The following WRAP73 variants were observed in gnomAD, a reference collection of about 807,000 sequenced individuals.
The protein encoded by WRAP73 is WD repeat containing, antisense to TP73.
In WRAP73, 55 loss-of-function variants were observed where a neutral mutation model predicts 59.6. The ratio of observed to expected loss-of-function variants is 0.92; its 90% confidence interval spans 0.74 to 1.15. WRAP73 has a LOEUF of 1.15. WRAP73 is among the 50% of genes most tolerant of loss of function. The pLI, the probability that WRAP73 is intolerant of heterozygous loss-of-function variation, is 0.00. For synonymous variants in WRAP73, 265 were observed against 258.2 expected, an observed-to-expected ratio of 1.03 and a Z score of -0.25; for missense variants, 592 against 608.1, an observed-to-expected ratio of 0.97 and a Z score of 0.28.
At chr1:3,638,208 T>C (rs1644606017) in intron 4 of WRAP73, among the ~76,000 whole-genome samples, 1 of 152,212 alleles carries the variant, frequency 6.6e-6, no homozygotes, top group Non-Finnish European at 1.5e-5. Context: ...CTCTGCGCGG[T>C]CCAGTTAGAC....
chr1:3,647,692 G>GTT, intron 1 of WRAP73, 132 bp from the exon 2 acceptor site: 1 of 931,400 alleles, frequency 1.1e-6, no homozygotes. Flanking sequence ...TAGATCACCA[G>GTT]TGACATCCCC....
rs554706220 is a variant in WRAP73 at position 3,632,577 on chromosome 1, G to A, written c.923-239C>T. On this transcript the variant is annotated intron_variant, in intron 9 of 11. Transcript: ENST00000270708. Reference sequence around the variant, plus strand: ...CACCTGCCAGGCCCGACTAGGTGGGGGGTGGACCCCACGTGCCAGGGGCTG... The same window carrying A: ...CACCTGCCAGGCCCGACTAGGTGGGAGGTGGACCCCACGTGCCAGGGGCTG... 1,308 of 570,608 alleles carry A rather than the reference G, an allele frequency of 2.3e-3. 4 individuals carry two copies. The highest frequency in any genetic ancestry group is 3.2e-3 in the Non-Finnish European group (1,039 of 325,110). The allele number at this position is 570,608 out of a possible 1,614,324, so 35.3% of individuals were successfully genotyped here.
chr1:3,642,938 C>T (rs1233054447), intron 3 of WRAP73, among the ~76,000 whole-genome samples: 2 of 151,848 alleles, frequency 1.3e-5, no homozygotes, highest in African/African-American at 2.4e-5. Context: ...ATCATTTAGT[C>T]GCCTGGATGG....
rs759170769 is a variant in WRAP73, at chr1:3,638,765, T to G, written c.397A>C (p.Lys133Gln). Residue 133 changes from lysine to glutamine, a missense_variant, in exon 4 of 12, where the codon AAA (lysine) becomes CAA (glutamine). Coordinates refer to ENST00000270708, the MANE Select transcript of WRAP73 (RefSeq NM_017818.4). ...ATCGACTCACCCTGCAGACAAGCTT[T>G]CGGGTATTTGATGTAAGACACGGAT... ...TKSVSYIKYP[K>Q]ACLQGITFTR... is the part of the protein sequence containing the mutation. 1 of 1,614,176 alleles carries G rather than the reference T, an allele frequency of 6.2e-7. No individual in the cohort carries two copies. The highest frequency in any genetic ancestry group is 8.5e-7 in the Non-Finnish European group (1 of 1,180,014).
rs541013156 is a variant in WRAP73, at chr1:3,635,089, C to T, written c.739-15G>A. The T allele has an allele frequency of 3.9e-5, 63 of 1,614,172 alleles. No homozygotes were observed. In the African/African-American group the frequency reaches 4.5e-4, roughly 12 times the overall value. ...AGGATGCGCACCTGAGGAAGGAAAC[C>T]ATGCACAGGTGAGGCAGGGCCCGGC... is the stretch of plus-strand genomic sequence containing the variant. On this transcript the variant is annotated splice_polypyrimidine_tract_variant and intron_variant, in intron 7 of 11. Coordinates refer to ENST00000270708, the MANE Select transcript of WRAP73 (RefSeq NM_017818.4).
In WRAP73 at chr1:3,631,701, T is replaced by A. The variant is rs369685286; in HGVS notation, c.1049-44A>T. 7.1e-6 allele frequency: 11 copies of A among 1,555,050 alleles called. No homozygotes were observed. In the African/African-American group the frequency reaches 8.1e-5, roughly 11 times the overall value. On this transcript the variant is annotated intron_variant, in intron 10 of 11. Coordinates refer to ENST00000270708, the MANE Select transcript of WRAP73 (RefSeq NM_017818.4). ...GGCACCGGTGTCATCCCTGCCTGGCTCCTCTGTGTTGGCCCTGCCCCTCTG... is the reference window on the plus strand; with the variant it reads ...GGCACCGGTGTCATCCCTGCCTGGCACCTCTGTGTTGGCCCTGCCCCTCTG...
intron 3 of WRAP73, among the ~76,000 whole-genome samples, chr1:3,643,224 G>GC (rs1481332468): frequency 6.6e-6 from 1 of 152,240 alleles, no homozygotes; most frequent in Non-Finnish European, 1.5e-5. Flanking sequence ...CAAAGTACAA[G>GC]CCCCTATAAA....
At chr1:3,648,355 T>C (rs1009543785) in intron 1 of WRAP73, among the ~76,000 whole-genome samples, 1 of 152,248 alleles carries the variant, frequency 6.6e-6, no homozygotes, top group Non-Finnish European at 1.5e-5. Flanking sequence ...GTTTTACTTA[T>C]CAAGGTCAAA....
At chr1:3,632,872 G>A in intron 9 of WRAP73, 1 of 203,268 alleles carries the variant, frequency 4.9e-6, no homozygotes, top group South Asian at 7.5e-5. Flanking sequence ...CCCCGGGGTG[G>A]GCCCGTCGGC....
chr1:3,640,194 C>T (rs780447996), intron 3 of WRAP73, among the ~76,000 whole-genome samples: 5 of 152,210 alleles, frequency 3.3e-5, no homozygotes, highest in African/African-American at 9.7e-5. Flanking sequence ...ACACACTGGC[C>T]GTTCTGGGGA....
At chr1:3,642,421 C>G (rs1410886934) in intron 3 of WRAP73, among the ~76,000 whole-genome samples, 2 of 152,154 alleles carry the variant, frequency 1.3e-5, no homozygotes, top group Non-Finnish European at 2.9e-5. Flanking sequence ...CCTGCTATAG[C>G]TGGTGAAGAT....
In WRAP73 at chr1:3,646,949, C is replaced by A. The variant is rs940722016; in HGVS notation, c.223-167G>T. Among the ~76,000 whole-genome samples, 1 of 29,846 alleles carries A rather than the reference C, an allele frequency of 3.4e-5. No homozygotes were observed. The highest frequency in any genetic ancestry group is 7.5e-5 in the African/African-American group (1 of 13,318). The allele number at this position is 29,846 out of a possible 152,430, so 19.6% of individuals were successfully genotyped here. ...CGAGAGACAACTCCCTTAAAACCAG[C>A]AGAGACCCGATCACACAGGGTGTCT... On this transcript the variant is annotated intron_variant, in intron 2 of 11. Coordinates refer to ENST00000270708, the MANE Select transcript of WRAP73 (RefSeq NM_017818.4). The surrounding 1 kb of genome is among the most constrained non-coding windows in gnomAD (Gnocchi z 5.1).
rs1198267716 is a variant in WRAP73 at position 3,631,484 on chromosome 1, C to T, written c.1222G>A (p.Val408Met). The change falls in exon 11 of 12, where the codon GTG becomes ATG. Residue 408 changes from valine (V) to methionine (M), a missense_variant. Coordinates refer to ENST00000270708, the MANE Select transcript of WRAP73 (RefSeq NM_017818.4). ...YLWSPAGCMS[V>M]QVPGEGDFAV... ...TGCTTACCTTCCCCAGGCACCTGCACCGACATGCAGCCCGCTGGGGACCAC... is the reference window on the plus strand; with the variant it reads ...TGCTTACCTTCCCCAGGCACCTGCATCGACATGCAGCCCGCTGGGGACCAC... The T allele has an allele frequency of 3.1e-6, 5 of 1,603,340 alleles. No individual in the cohort carries two copies. Among genetic ancestry groups the T allele is most frequent in the African/African-American group, 1.3e-5 (1 of 74,894 alleles).
At chr1:3,631,195 A>G in intron 11 of WRAP73, 78 bp from the exon 12 acceptor site, 1 of 1,590,112 alleles carries the variant, frequency 6.3e-7, no homozygotes, top group Non-Finnish European at 8.6e-7. Flanking sequence ...CTTGTCCTGC[A>G]GGCCAGCACA....
chr1:3,633,865 C>T (rs546090164), intron 8 of WRAP73: 11 of 188,558 alleles, frequency 5.8e-5, no homozygotes, highest in African/African-American at 9.4e-5. Context: ...GCAGAGGCCC[C>T]GGGAGCAGCA....
chr1:3,649,629 T>C (rs1422434701), intron 1 of WRAP73, among the ~76,000 whole-genome samples: 1 of 147,244 alleles, frequency 6.8e-6, no homozygotes, highest in East Asian at 2.0e-4. Context: ...CCATATCTGC[T>C]TGGGGTACCT....
At position 3,646,622 on chromosome 1, in the gene WRAP73, ACAGGAT is replaced by A. The variant is rs755175838; in HGVS notation, c.339+38_339+43del. 6.5e-7 allele frequency: 1 copy of A among 1,528,134 alleles called. No individual in the cohort carries two copies. Among genetic ancestry groups the A allele is most frequent in the South Asian group, 1.1e-5 (1 of 87,246 alleles). The allele number at this position is 1,528,134 out of a possible 1,614,324, so 94.7% of individuals were successfully genotyped here. The stretch of plus-strand genomic sequence containing the variant: ...TCCCCAGCTGTTTCGAGAGCAGAGG[ACAGGAT>A]CACATGGCCAGTAAGGTGTCTTGGG... On this transcript the variant is annotated intron_variant, in intron 3 of 11. Transcript: ENST00000270708. The surrounding 1 kb of genome is among the most constrained non-coding windows in gnomAD (Gnocchi z 5.1).
intron 4 of WRAP73, 128 bp from the exon 5 acceptor site, chr1:3,637,226 G>A (rs531245721): frequency 1.3e-5 from 9 of 717,628 alleles, no homozygotes; most frequent in South Asian, 3.5e-5. Flanking sequence ...ATGGCACAAT[G>A]CCGAGCACTG....
chr1:3,634,993 T>A lies in WRAP73; in HGVS notation c.816+4A>T. The A allele has an allele frequency of 2.5e-6, 4 of 1,614,198 alleles. No individual in the cohort carries two copies. Among genetic ancestry groups the A allele is most frequent in the Non-Finnish European group, 3.4e-6 (4 of 1,180,034 alleles). ...TCAGGCAGAAACACGTGTTCCAGACTTACTATCTTGGGATCATTAATGGCT... is the reference window on the plus strand; with the variant it reads ...TCAGGCAGAAACACGTGTTCCAGACATACTATCTTGGGATCATTAATGGCT... On this transcript the variant is annotated splice_donor_region_variant and intron_variant, in intron 8 of 11. Coordinates refer to ENST00000270708, the MANE Select transcript of WRAP73 (RefSeq NM_017818.4).
Sources: gnomAD v4.1 joint callset for allele counts (sites outside exome capture counted in the v4.1 genomes callset) on GRCh38, gnomAD v4.1.1 for gene constraint, Gnocchi (gnomAD v3.1) non-coding constraint, MANE v1.5 for transcripts, NCBI Gene and HGNC (gene_info 2026-07-23, HGNC 2026-07-21) for gene names.